The following UNC5D variants were observed in gnomAD, a reference collection of about 807,000 sequenced individuals.
UNC5D encodes the protein netrin receptor UNC5D.
UNC5D carries 39 observed loss-of-function variants against 105.4 expected under a neutral mutation model. The ratio of observed to expected loss-of-function variants is 0.37; its 90% CI spans 0.29 to 0.48. The LOEUF is 0.48. Among genes scored for constraint, UNC5D ranks in the 20% least tolerant of loss-of-function variants. The probability of loss-of-function intolerance (pLI) is 0.98; values close to 1 mark genes in which losing one functional copy is unlikely to be tolerated. For synonymous variants in UNC5D, 452 were observed against 450.4 expected (o/e 1.00, Z -0.04); for missense variants, 991 against 1,202.4 (o/e 0.82, Z 2.60).
At chr8:35,305,706 C>T (rs1808347034) in intron 1 of UNC5D, among the ~76,000 whole-genome samples, 1 of 146,664 alleles carries the variant, frequency 6.8e-6, no homozygotes, top group South Asian at 2.2e-4. Context: ...TCCCTCCCTG[C>T]CTGACTCCCT....
At chr8:35,244,897 T>A (rs1563244412) in intron 1 of UNC5D, among the ~76,000 whole-genome samples, 1 of 151,932 alleles carries the variant, frequency 6.6e-6, no homozygotes, top group Non-Finnish European at 1.5e-5. Context: ...GTGCCTGTAG[T>A]CCCAGCTACT....
chr8:35,636,354 C>A (rs1370883739), intron 4 of UNC5D, among the ~76,000 whole-genome samples: 2 of 152,102 alleles, frequency 1.3e-5, no homozygotes, highest in Non-Finnish European at 2.9e-5. Context: ...TTTTCTCAAC[C>A]TCAGCATTTC....
intron 4 of UNC5D, among the ~76,000 whole-genome samples, chr8:35,644,161 G>A (rs755442322): frequency 9.2e-5 from 14 of 152,088 alleles, no homozygotes; most frequent in Non-Finnish European, 2.1e-4. Flanking sequence ...AAAAGTCCAG[G>A]CTCTACTGGG....
At chr8:35,737,279 TG>T (rs1829519540) in intron 11 of UNC5D, among the ~76,000 whole-genome samples, 1 of 149,260 alleles carries the variant, frequency 6.7e-6, no homozygotes, top group African/African-American at 2.5e-5. Flanking sequence ...TGTGTGTGTG[TG>T]TGTGTGTGTG....
intron 1 of UNC5D, among the ~76,000 whole-genome samples, chr8:35,419,755 A>G (rs1413744476): frequency 1.3e-5 from 2 of 152,196 alleles, no homozygotes; most frequent in Admixed American, 1.3e-4. Context: ...AGGGAGGATC[A>G]CAGTGTTACT....
At chr8:35,442,885 T>TTTC in intron 1 of UNC5D, among the ~76,000 whole-genome samples, 1 of 135,574 alleles carries the variant, frequency 7.4e-6, no homozygotes, top group African/African-American at 2.8e-5. Context: ...CTCTCTCTGT[T>TTTC]TCTCTCTCTC....
chr8:35,775,857 A>G (rs1455707974), intron 16 of UNC5D, among the ~76,000 whole-genome samples: 2 of 152,220 alleles, frequency 1.3e-5, no homozygotes, highest in African/African-American at 2.4e-5. Flanking sequence ...CATTGCTGCA[A>G]GAGAAAACTG....
intron 1 of UNC5D, among the ~76,000 whole-genome samples, chr8:35,373,280 T>C (rs901564395): frequency 6.6e-6 from 1 of 152,194 alleles, no homozygotes. Flanking sequence ...TTGTGAGTGA[T>C]TTGTGCCCCA....
At chr8:35,423,811 A>G (rs937152885) in intron 1 of UNC5D, among the ~76,000 whole-genome samples, 3 of 152,110 alleles carry the variant, frequency 2.0e-5, no homozygotes, top group African/African-American at 7.2e-5. Context: ...CTTAAGAAAT[A>G]ATAGAAGAGT....
chr8:35,727,655 A>G (rs935861797), intron 10 of UNC5D: 5 of 152,102 alleles, frequency 3.3e-5, no homozygotes, highest in African/African-American at 4.8e-5. Flanking sequence ...ATAGCCCTCA[A>G]TGGCAGCCGT....
At chr8:35,362,765 G>T (rs998496414) in intron 1 of UNC5D, among the ~76,000 whole-genome samples, 19 of 152,132 alleles carry the variant, frequency 1.2e-4, no homozygotes, top group African/African-American at 4.6e-4. Context: ...TCAGTAAAGG[G>T]CCAGAGAATA....
chr8:35,771,933 G>T (rs577019917), intron 15 of UNC5D, among the ~76,000 whole-genome samples: 1 of 152,164 alleles, frequency 6.6e-6, no homozygotes, highest in African/African-American at 2.4e-5. Flanking sequence ...CAAAATAACT[G>T]ATTAGGAAGT....
intron 1 of UNC5D, among the ~76,000 whole-genome samples, chr8:35,472,004 T>C (rs1162754695): frequency 6.6e-6 from 1 of 152,170 alleles, no homozygotes; most frequent in Non-Finnish European, 1.5e-5. Context: ...TAAATTTTCT[T>C]AGTTCCTATC....
At chr8:35,513,789 G>C (rs1355971693) in intron 1 of UNC5D, among the ~76,000 whole-genome samples, 1 of 152,108 alleles carries the variant, frequency 6.6e-6, no homozygotes, top group Non-Finnish European at 1.5e-5. Context: ...TTGTTGAATG[G>C]GAATGATGTG....
At chr8:35,470,352 T>G (rs1299301397) in intron 1 of UNC5D, among the ~76,000 whole-genome samples, 1 of 152,066 alleles carries the variant, frequency 6.6e-6, no homozygotes, top group Non-Finnish European at 1.5e-5. Flanking sequence ...ATTGCGTCTC[T>G]TCTGCAGGTC....
At chr8:35,405,022 C>G (rs1804712750) in intron 1 of UNC5D, among the ~76,000 whole-genome samples, 1 of 152,156 alleles carries the variant, frequency 6.6e-6, no homozygotes, top group African/African-American at 2.4e-5. Flanking sequence ...TTAGAGCTAC[C>G]TCACTATTAG....
chr8:35,533,655 ACC>A (rs1814589950), intron 1 of UNC5D, among the ~76,000 whole-genome samples: 1 of 152,022 alleles, frequency 6.6e-6, no homozygotes, highest in Non-Finnish European at 1.5e-5. Flanking sequence ...CCTCGCTGCC[ACC>A]TTGCAGTTTG....
intron 1 of UNC5D, among the ~76,000 whole-genome samples, chr8:35,414,573 G>A (rs1805411460): frequency 1.3e-5 from 2 of 151,964 alleles, no homozygotes; most frequent in Admixed American, 1.3e-4. Context: ...TTATTAAAAG[G>A]GATTTTTTTC....
At chr8:35,347,852 A>G (rs1265976757) in intron 1 of UNC5D, among the ~76,000 whole-genome samples, 1 of 152,054 alleles carries the variant, frequency 6.6e-6, no homozygotes, top group Admixed American at 6.6e-5. Context: ...TGCATAGCCC[A>G]AGAGGTCACC....
Sources: gnomAD v4.1 joint callset for allele counts (sites outside exome capture counted in the v4.1 genomes callset) on GRCh38, gnomAD v4.1.1 for gene constraint, MANE v1.5 for transcripts, NCBI Gene and HGNC (gene_info 2026-07-23, HGNC 2026-07-21) for gene names.